Variants in MAB21L3 observed in about 807,000 individuals in gnomAD.
MAB21L3 encodes the protein protein mab-21-like 3.
In MAB21L3, 36 loss-of-function variants were observed where a neutral mutation model predicts 37.7. The ratio of observed to expected loss-of-function variants is 0.96; its 90% CI spans 0.73 to 1.26. The LOEUF is 1.26. Among genes scored for constraint, MAB21L3 ranks in the 50% most tolerant of loss-of-function variants. The probability of loss-of-function intolerance (pLI) is 0.00; values close to 1 mark genes in which losing one functional copy is unlikely to be tolerated. For missense variants in MAB21L3, 430 were observed against 447.3 expected, an observed-to-expected ratio of 0.96 and a Z score of 0.35; for synonymous variants, 186 against 176.8, an observed-to-expected ratio of 1.05 and a Z score of -0.41.
rs1570818444 is a variant in MAB21L3 at position 116,136,997 on chromosome 1, C to T, written c.*3632C>T. Among the ~76,000 whole-genome samples, 4 of 117,042 alleles carry T rather than the reference C, an allele frequency of 3.4e-5. No individual in the cohort carries two copies. The highest frequency in any genetic ancestry group is 2.2e-4 in the East Asian group (1 of 4,548). The allele number at this position is 117,042 out of a possible 152,430, so 76.8% of individuals were successfully genotyped here. A position where few individuals can be genotyped will look rare whatever the true frequency, so the allele number is the denominator to read the frequency against. On this transcript the variant is annotated 3_prime_UTR_variant, in exon 8 of 8. Coordinates refer to ENST00000369500, the MANE Select transcript of MAB21L3 (RefSeq NM_152367.3). Reference sequence around the variant, plus strand: ...ATTCAAGATGGATTAAAGACTTAAACGTTAGACCTAAAACCATAAAAACCC... The same window carrying T: ...ATTCAAGATGGATTAAAGACTTAAATGTTAGACCTAAAACCATAAAAACCC...
chr1:116,127,488 C>A lies in MAB21L3; in HGVS notation c.504C>A (p.Asn168Lys). ...HLSGKVSLLGNRSAVWVAVET... is the reference protein window; with the variant it reads ...HLSGKVSLLGKRSAVWVAVET... ...CAGGTAAGGTCAGCCTGCTAGGAAA[C>A]CGCTCTGCAGTTTGGGTTGCTGTGG... Residue 168 changes from asparagine to lysine, a missense_variant, in exon 6 of 8, where the codon AAC (asparagine) becomes AAA (lysine). Transcript: ENST00000369500. 1 of 1,614,018 alleles carries A rather than the reference C, an allele frequency of 6.2e-7. No individual in the cohort carries two copies. The highest frequency in any genetic ancestry group is 1.3e-5 in the African/African-American group (1 of 75,046).
intron 5 of MAB21L3, 121 bp downstream of exon 5, chr1:116,124,478 C>T (rs1028361122): frequency 6.8e-6 from 6 of 888,878 alleles, no homozygotes; most frequent in Non-Finnish European, 1.0e-5. Context: ...ATCATGTGCT[C>T]TTCACATTTA....
At position 116,134,606 on chromosome 1, in the gene MAB21L3, C is replaced by A. The variant is rs1185998951; in HGVS notation, c.*1241C>A. On this transcript the variant is annotated 3_prime_UTR_variant, in exon 8 of 8. Coordinates refer to ENST00000369500, the MANE Select transcript of MAB21L3 (RefSeq NM_152367.3). ...GCCAGGAAGGAATCAGTATTTTATT[C>A]TAAGATCAAAGGTGTGACATTTGGC... 1 of 152,234 alleles carries A rather than the reference C, an allele frequency of 6.6e-6. No homozygotes were observed. The highest frequency in any genetic ancestry group is 2.4e-5 in the African/African-American group (1 of 41,446). The allele number at this position is 152,234 out of a possible 1,614,324, so 9.4% of individuals were successfully genotyped here.
intron 3 of MAB21L3, among the ~76,000 whole-genome samples, chr1:116,117,333 C>T (rs1185368466): frequency 6.6e-6 from 1 of 151,912 alleles, no homozygotes; most frequent in Non-Finnish European, 1.5e-5. Context: ...AACCACTCTG[C>T]CTGCAATGTT....
rs2101614699 is a variant in MAB21L3 at position 116,124,321 on chromosome 1, C to G, written c.445C>G (p.Leu149Val). 6.2e-7 allele frequency: 1 copy of G among 1,613,914 alleles called. No homozygotes were observed. Among genetic ancestry groups the G allele is most frequent in the Non-Finnish European group, 8.5e-7 (1 of 1,179,998 alleles). The change falls in exon 5 of 8, where the codon CTG (leucine) becomes GTG (valine). Residue 149 changes from leucine to valine, a missense_variant. Coordinates refer to ENST00000369500, the MANE Select transcript of MAB21L3 (RefSeq NM_152367.3). ...PAKVLLVFRK[L>V]VENAVRTCHL... Reference sequence around the variant, plus strand: ...CAAGGTCCTCCTAGTGTTCCGGAAGCTGGTGGAAAATGCAGTTAGAACCTG... The same window carrying G: ...CAAGGTCCTCCTAGTGTTCCGGAAGGTGGTGGAAAATGCAGTTAGAACCTG...
At chr1:116,125,205 G>T (rs564931693) in intron 5 of MAB21L3, among the ~76,000 whole-genome samples, 2 of 152,306 alleles carry the variant, frequency 1.3e-5, no homozygotes, top group South Asian at 4.1e-4. Flanking sequence ...TGGGCATGGT[G>T]AAATGGGTAT....
Position 116,137,454 on chromosome 1 carries a change from T to A in MAB21L3, c.*4089T>A, listed in dbSNP as rs1182007949. Among the ~76,000 whole-genome samples, 1 of 140,848 alleles carries A rather than the reference T, an allele frequency of 7.1e-6. No homozygotes were observed. 92.4% of individuals were successfully genotyped at this position (140,848 alleles called of 152,430 possible). A position where few individuals can be genotyped will look rare whatever the true frequency, so the allele number is the denominator to read the frequency against. ...CATCTCACACCAGTTAGAATGGCAATCATTAAAAAGTCAGGAAACAACAGG... is the reference window on the plus strand; with the variant it reads ...CATCTCACACCAGTTAGAATGGCAAACATTAAAAAGTCAGGAAACAACAGG... On this transcript the variant is annotated 3_prime_UTR_variant, in exon 8 of 8. Transcript: ENST00000369500.
rs1660160606 is a variant in MAB21L3 at position 116,134,422 on chromosome 1, A to G, written c.*1057A>G. 1 of 152,278 alleles carries G rather than the reference A, an allele frequency of 6.6e-6. No individual in the cohort carries two copies. Among genetic ancestry groups the G allele is most frequent in the South Asian group, 2.1e-4 (1 of 4,834 alleles). 9.4% of individuals were successfully genotyped at this position (152,278 alleles called of 1,614,324 possible). A position where few individuals can be genotyped will look rare whatever the true frequency, so the allele number is the denominator to read the frequency against. On this transcript the variant is annotated 3_prime_UTR_variant, in exon 8 of 8. Coordinates refer to ENST00000369500, the MANE Select transcript of MAB21L3 (RefSeq NM_152367.3). Reference sequence around the variant, plus strand: ...AGATAAACACGCACAGTTATTACAGATGGAAGCAAGTGCTTCAAAGGAAAT... The same window carrying G: ...AGATAAACACGCACAGTTATTACAGGTGGAAGCAAGTGCTTCAAAGGAAAT...
intron 5 of MAB21L3, among the ~76,000 whole-genome samples, chr1:116,125,149 T>C (rs1659867222): frequency 6.6e-6 from 1 of 152,186 alleles, no homozygotes; most frequent in East Asian, 1.9e-4. Context: ...TTAAAATACC[T>C]AGCAAGCTAA....
intron 7 of MAB21L3, among the ~76,000 whole-genome samples, chr1:116,128,585 C>G (rs1175401599): frequency 6.6e-6 from 1 of 152,154 alleles, no homozygotes; most frequent in Admixed American, 6.5e-5. Context: ...CCTCCCTTCC[C>G]TTTTCCAATT....
chr1:116,120,886 GC>G, intron 3 of MAB21L3, 45 bp from the exon 4 acceptor site: 1 of 1,606,370 alleles, frequency 6.2e-7, no homozygotes, highest in Non-Finnish European at 8.5e-7. Flanking sequence ...GTATCTTGGG[GC>G]CCACAGAGGA....
chr1:116,112,648 T>C lies in MAB21L3; in HGVS notation c.33T>C (p.Asp11=), dbSNP rs1659461916. Residue 11 remains aspartate, a synonymous_variant, in exon 3 of 8, where the codon GAT becomes GAC. Transcript: ENST00000369500. ...ACCTTACTGTGGGAGACTTAGAAGA[T>C]TGCCTACTGAATAAGGTAAGGACAG... MKYLTVGDLE[D]CLLNKVDLRR... The C allele has an allele frequency of 6.2e-7, 1 of 1,613,544 alleles. No homozygotes were observed. The highest frequency in any genetic ancestry group is 8.5e-7 in the Non-Finnish European group (1 of 1,179,976).
At chr1:116,120,257 T>C (rs984277499) in intron 3 of MAB21L3, among the ~76,000 whole-genome samples, 1 of 152,146 alleles carries the variant, frequency 6.6e-6, no homozygotes, top group Non-Finnish European at 1.5e-5. Context: ...CTAAGCTGTC[T>C]TCAGCCTCAC....
At chr1:116,128,399 G>C (rs772048278) in intron 7 of MAB21L3, 60 bp downstream of exon 7, 3 of 1,504,504 alleles carry the variant, frequency 2.0e-6, no homozygotes, top group African/African-American at 1.4e-5. Flanking sequence ...CATTCTTCCT[G>C]TGGCCTCTGT....
At chr1:116,127,160 A>C (rs1269341257) in intron 5 of MAB21L3, among the ~76,000 whole-genome samples, 2 of 151,748 alleles carry the variant, frequency 1.3e-5, no homozygotes, top group African/African-American at 4.9e-5. Context: ...TCCTGAAAAG[A>C]ATCTATTAAT....
At position 116,119,685 on chromosome 1, in the gene MAB21L3, G is replaced by A. The variant is rs879334101; in HGVS notation, c.49-1247G>A. Among the ~76,000 whole-genome samples the A allele has an allele frequency of 1.6e-4, 24 of 152,098 alleles. 1 individual carries two copies. Among genetic ancestry groups the A allele is most frequent in the Non-Finnish European group, 2.8e-4 (19 of 68,016 alleles). On this transcript the variant is annotated intron_variant, in intron 3 of 7. Transcript: ENST00000369500. ...GCTGTCATGACAGCAGCTTGTAGGT[G>A]CCTCCTGAGCAAGATGACAAAGTGC... is the stretch of plus-strand genomic sequence containing the variant.
chr1:116,119,882 A>G lies in MAB21L3; in HGVS notation c.49-1050A>G, dbSNP rs76980329. On this transcript the variant is annotated intron_variant, in intron 3 of 7. Transcript: ENST00000369500. ...TTCTATGAGAATTTCCCAATTCTTC[A>G]TAACTCACTGTGGTAACTTTCTGTC... 1.8e-3 allele frequency among the ~76,000 whole-genome samples: 271 copies of G among 152,306 alleles called. 3 individuals carry two copies. The highest frequency in any genetic ancestry group is 1.6e-3 in the Non-Finnish European group (108 of 68,012).
chr1:116,125,548 T>G (rs932312587), intron 5 of MAB21L3, among the ~76,000 whole-genome samples: 5 of 152,228 alleles, frequency 3.3e-5, no homozygotes, highest in Admixed American at 1.3e-4. Context: ...ATGTGCTAAA[T>G]AGTTAAGTGA....
rs1311178027 is a variant in MAB21L3, at chr1:116,135,813, G to T, written c.*2448G>T. 1.1e-3 allele frequency among the ~76,000 whole-genome samples: 166 copies of T among 150,820 alleles called. 1 individual carries two copies. The highest frequency in any genetic ancestry group is 5.3e-3 in the Admixed American group (80 of 15,180). On this transcript the variant is annotated 3_prime_UTR_variant, in exon 8 of 8. Transcript: ENST00000369500. ...GTGGGCTTCATCCCTGGGATGCAAGGCTGGTTCAATATACGCAAATCAATA... is the reference window on the plus strand; with the variant it reads ...GTGGGCTTCATCCCTGGGATGCAAGTCTGGTTCAATATACGCAAATCAATA...
Sources: gnomAD v4.1 joint callset for allele counts (sites outside exome capture counted in the v4.1 genomes callset) on GRCh38, gnomAD v4.1.1 for gene constraint, MANE v1.5 for transcripts, NCBI Gene and HGNC (gene_info 2026-07-23, HGNC 2026-07-21) for gene names.